Variants in ABCA10 observed in about 807,000 individuals in gnomAD.
The protein encoded by ABCA10 is ATP binding cassette subfamily A member 10, also known as ATP-binding cassette sub-family A member 10.
ABCA10 carries 169 observed loss-of-function variants against 187.5 expected under a neutral mutation model. The ratio of observed to expected loss-of-function variants is 0.90; its 90% CI spans 0.80 to 1.02. ABCA10 has a LOEUF of 1.02. ABCA10 is among the 50% of genes least tolerant of loss of function. The probability of loss-of-function intolerance (pLI) is 0.00; values close to 1 mark genes in which losing one functional copy is unlikely to be tolerated. For synonymous variants in ABCA10, 574 were observed against 601.8 expected, an observed-to-expected ratio of 0.95 and a Z score of 0.68; for missense variants, 1,727 against 1,812.4, an observed-to-expected ratio of 0.95 and a Z score of 0.86.
intron 3 of ABCA10, chr17:69,223,616 C>T (rs549851215): frequency 7.2e-6 from 3 of 414,588 alleles, no homozygotes; most frequent in Non-Finnish European, 1.4e-5. Context: ...TTATTTTATG[C>T]TGTAGCCATA....
intron 19 of ABCA10, among the ~76,000 whole-genome samples, chr17:69,186,268 C>T (rs1475618199): frequency 6.6e-6 from 1 of 151,820 alleles, no homozygotes; most frequent in Non-Finnish European, 1.5e-5. Flanking sequence ...CCCTATCAGC[C>T]ATATATTTCA....
chr17:69,185,549 T>G lies in ABCA10; in HGVS notation c.2425A>C (p.Ser809Arg), dbSNP rs528484516. The G allele has an allele frequency of 3.1e-6, 5 of 1,613,488 alleles. No homozygotes were observed. In the African/African-American group the frequency reaches 6.7e-5, roughly 22 times the overall value. The change falls in exon 20 of 39, where the codon AGT (serine) becomes CGT (arginine). Residue 809 changes from serine to arginine, a missense_variant. Ser to Arg is a moderately radical substitution (Grantham distance 110). Transcript: ENST00000690296. ...RETHCWEFSP[S>R]MYFLSLEQIP... ...TGTTCCAGAGAAAGGAAATACATAC[T>G]GGGTGAAAACTCCCAACAATGAGTT...
chr17:69,211,360 T>TATATATAC (rs1555663047), intron 9 of ABCA10, among the ~76,000 whole-genome samples: 1 of 30,472 alleles, frequency 3.3e-5, no homozygotes, highest in African/African-American at 1.1e-4. Context: ...TATATATATA[T>TATATATAC]ACACACACAC....
intron 5 of ABCA10, 148 bp downstream of exon 5, chr17:69,221,644 T>C: frequency 1.5e-6 from 1 of 665,276 alleles, no homozygotes; most frequent in Non-Finnish European, 2.5e-6. Flanking sequence ...TTGGGAGATA[T>C]TCCCATGTGA....
chr17:69,191,657 A>G (rs1040204639), intron 16 of ABCA10, among the ~76,000 whole-genome samples: 6 of 151,852 alleles, frequency 4.0e-5, no homozygotes, highest in Non-Finnish European at 7.4e-5. Flanking sequence ...AAGTTATTTT[A>G]TGTGTGTGTA....
intron 9 of ABCA10, among the ~76,000 whole-genome samples, chr17:69,204,801 T>C (rs868572613): frequency 1.3e-4 from 20 of 152,234 alleles, no homozygotes; most frequent in South Asian, 4.1e-4. Context: ...ACATATAATC[T>C]GGTCTAAAAA....
Position 69,164,119 on chromosome 17 carries a change from A to G in ABCA10, c.3318T>C (p.Asn1106=), listed in dbSNP as rs755847235. The change falls in exon 27 of 39, where the codon AAT becomes AAC. Residue 1106 remains asparagine, a synonymous_variant. Coordinates refer to ENST00000690296, the MANE Select transcript of ABCA10 (RefSeq NM_001377321.1). ...TGGTTTTATTGACTTCATTTATTCT[A>G]TTGTCCAGACTGTCCAAGTTTCTCA... The part of the protein sequence containing the change: ...DFMRNLDSLD[N]RINEVNKTIL... The G allele has an allele frequency of 6.3e-7, 1 of 1,591,786 alleles. No homozygotes were observed. Among genetic ancestry groups the G allele is most frequent in the Non-Finnish European group, 8.5e-7 (1 of 1,172,688 alleles).
intron 26 of ABCA10, 46 bp from the exon 27 acceptor site, chr17:69,164,200 T>C (rs2074239106): frequency 4.0e-6 from 6 of 1,489,458 alleles, no homozygotes; most frequent in Non-Finnish European, 5.4e-6. Context: ...TCTCTATAAA[T>C]ATAAAATTTA....
intron 10 of ABCA10, 63 bp downstream of exon 10, chr17:69,201,437 C>T: frequency 7.5e-7 from 1 of 1,333,660 alleles, no homozygotes; most frequent in Non-Finnish European, 1.0e-6. Flanking sequence ...AACATTTGAC[C>T]TGCAGCTTCA....
intron 1 of ABCA10, chr17:69,234,745 T>C (rs756583483): frequency 6.6e-6 from 1 of 152,236 alleles, no homozygotes; most frequent in Non-Finnish European, 1.5e-5. Flanking sequence ...TGCTGGTCAA[T>C]GAATTTTTTG....
At chr17:69,195,009 A>G (rs1269171348) in intron 11 of ABCA10, among the ~76,000 whole-genome samples, 2 of 152,188 alleles carry the variant, frequency 1.3e-5, no homozygotes, top group Non-Finnish European at 2.9e-5. Flanking sequence ...TTATATCACA[A>G]AAGTGTGGGC....
At chr17:69,152,661 C>T (rs2074139399) in intron 34 of ABCA10, among the ~76,000 whole-genome samples, 180 bp from the exon 35 acceptor site, 1 of 152,096 alleles carries the variant, frequency 6.6e-6, no homozygotes, top group African/African-American at 2.4e-5. Flanking sequence ...GTGGCACATG[C>T]CTGTGGTCCC....
At position 69,175,529 on chromosome 17, in the gene ABCA10, A is replaced by G. The variant is rs749874715; in HGVS notation, c.2770-16T>C. 1.9e-6 allele frequency: 3 copies of G among 1,566,466 alleles called. No homozygotes were observed. Among genetic ancestry groups the G allele is most frequent in the Non-Finnish European group, 2.6e-6 (3 of 1,144,252 alleles). ...CTATGTCATCCTGAAAGATGAAAAC[A>G]CATCAGTAAGCTGTTGCAATTGTTA... On this transcript the variant is annotated splice_polypyrimidine_tract_variant and intron_variant, in intron 22 of 38. Coordinates refer to ENST00000690296, the MANE Select transcript of ABCA10 (RefSeq NM_001377321.1).
intron 11 of ABCA10, among the ~76,000 whole-genome samples, chr17:69,196,681 T>C (rs1049132579): frequency 3.9e-5 from 6 of 152,102 alleles, no homozygotes; most frequent in Admixed American, 6.5e-5. Flanking sequence ...GTGGAGGTTG[T>C]AGCGAGCCAA....
chr17:69,173,806 T>C (rs1488472017), intron 25 of ABCA10, among the ~76,000 whole-genome samples: 1 of 152,172 alleles, frequency 6.6e-6, no homozygotes, highest in Non-Finnish European at 1.5e-5. Context: ...AAATTATTTA[T>C]TAAGAAAACA....
At position 69,174,294 on chromosome 17, in the gene ABCA10, A is replaced by G. The variant is rs756476440; in HGVS notation, c.3149T>C (p.Phe1050Ser). 1.9e-6 allele frequency: 3 copies of G among 1,598,558 alleles called. No homozygotes were observed. Among genetic ancestry groups the G allele is most frequent in the Non-Finnish European group, 1.7e-6 (2 of 1,174,438 alleles). Reference protein sequence around the residue: ...KWRKNNGFWSFGFFIILICVS... With the variant: ...KWRKNNGFWSSGFFIILICVS... ...ATATATACTTACAATAAAAAAGCCA[A>G]AAGACCAAAAGCCATTATTTTTTCT... The change falls in exon 25 of 39, where the codon TTT (phenylalanine) becomes TCT (serine). Residue 1050 changes from phenylalanine (F) to serine (S), a missense_variant. Phe to Ser is a radical substitution (Grantham distance 155). Transcript: ENST00000690296.
intron 25 of ABCA10, 65 bp from the exon 26 acceptor site, chr17:69,165,148 G>T (rs1195279819): frequency 4.6e-6 from 6 of 1,306,524 alleles, no homozygotes; most frequent in Non-Finnish European, 6.4e-6. Flanking sequence ...GATATTTCCT[G>T]TGAATAACCT....
rs185998733 is a variant in ABCA10 at position 69,203,133 on chromosome 17, T to A, written c.1007-1465A>T. On this transcript the variant is annotated intron_variant, in intron 9 of 38. Transcript: ENST00000690296. ...GAATGGAAAAGTTATAGATAGAAAT[T>A]CTTTGACAAGAGAAATGTAAATAGT... 3.9e-4 allele frequency among the ~76,000 whole-genome samples: 59 copies of A among 152,274 alleles called. No homozygotes were observed. The East Asian group carries it at 9.6e-3, about 25-fold the overall frequency.
chr17:69,161,170 T>C (rs1222653625), intron 27 of ABCA10, among the ~76,000 whole-genome samples: 2 of 152,200 alleles, frequency 1.3e-5, no homozygotes, highest in Non-Finnish European at 1.5e-5. Flanking sequence ...ACAGATACTT[T>C]ATGATTTCAT....
Sources: allele counts gnomAD v4.1 joint callset (sites outside exome capture counted in the v4.1 genomes callset), GRCh38; gene constraint gnomAD v4.1.1; transcripts MANE v1.5; gene names NCBI Gene and HGNC (gene_info 2026-07-23, HGNC 2026-07-21).